MAGI3: variants seen among roughly 807,000 people sequenced by gnomAD.
The protein encoded by MAGI3 is membrane associated guanylate kinase, WW and PDZ domain containing 3.
Under a neutral mutation model 121.8 loss-of-function variants are expected in MAGI3, and 43 were observed. The observed-to-expected ratio is 0.35, with a 90% CI of 0.28 to 0.46. The LOEUF is 0.46. Among genes scored for constraint, MAGI3 ranks in the 20% least tolerant of loss-of-function variants. The pLI, the probability that MAGI3 is intolerant of heterozygous loss-of-function variation, is 1.00. For missense variants in MAGI3, 1,547 were observed against 1,797.3 expected, an observed-to-expected ratio of 0.86 and a Z score of 2.52; for synonymous variants, 553 against 639.3, an observed-to-expected ratio of 0.86 and a Z score of 2.04.
intron 1 of MAGI3, among the ~76,000 whole-genome samples, chr1:113,395,640 G>A (rs1570908406): frequency 2.6e-5 from 4 of 151,102 alleles, no homozygotes; most frequent in Admixed American, 2.0e-4. Context: ...ATACGTGTGT[G>A]TATATATATA....
In MAGI3 at chr1:113,685,355, A is replaced by AAAC. The variant is rs971609973; in HGVS notation, c.*1342_*1344dup. 3.3e-5 allele frequency: 5 copies of AAAC among 152,470 alleles called. No individual in the cohort carries two copies. Among genetic ancestry groups the AAAC allele is most frequent in the Admixed American group, 6.5e-5 (1 of 15,306 alleles). 9.4% of individuals were successfully genotyped at this position (152,470 alleles called of 1,614,324 possible). A position where few individuals can be genotyped will look rare whatever the true frequency, so the allele number is the denominator to read the frequency against. ...TAAATAAAGGCACCTTCTGAGAATA[A>AAAC]AACTATTTTATGGAGTGTGTGAACA... On this transcript the variant is annotated 3_prime_UTR_variant, in exon 21 of 21. Coordinates refer to ENST00000307546, the MANE Select transcript of MAGI3 (RefSeq NM_001142782.2).
At chr1:113,474,710 C>T (rs553853264) in intron 1 of MAGI3, among the ~76,000 whole-genome samples, 25 of 152,230 alleles carry the variant, frequency 1.6e-4, no homozygotes, top group Middle Eastern at 6.8e-3. Context: ...TTAGGATTGT[C>T]TTGGTACTGT....
intron 1 of MAGI3, among the ~76,000 whole-genome samples, chr1:113,537,680 A>G (rs1659073700): frequency 1.3e-5 from 2 of 151,872 alleles, no homozygotes; most frequent in South Asian, 2.1e-4. Context: ...ATTGTTTTGT[A>G]TTTTCTGGAG....
At chr1:113,396,097 G>A (rs925231870) in intron 1 of MAGI3, among the ~76,000 whole-genome samples, 3 of 152,038 alleles carry the variant, frequency 2.0e-5, no homozygotes, top group Non-Finnish European at 4.4e-5. Flanking sequence ...TCATTCAAGT[G>A]TCTGACTTAT....
chr1:113,568,585 T>C (rs545114384), intron 2 of MAGI3, among the ~76,000 whole-genome samples: 3 of 152,182 alleles, frequency 2.0e-5, no homozygotes, highest in African/African-American at 7.2e-5. Flanking sequence ...AGAATAATTA[T>C]AACACTGATA....
intron 2 of MAGI3, among the ~76,000 whole-genome samples, chr1:113,566,581 G>A (rs924244898): frequency 2.6e-5 from 4 of 152,022 alleles, no homozygotes; most frequent in Non-Finnish European, 5.9e-5. Context: ...ATAAATTTAA[G>A]ATTTAAATTA....
chr1:113,476,969 AT>A (rs1433232539), intron 1 of MAGI3, among the ~76,000 whole-genome samples: 2 of 151,524 alleles, frequency 1.3e-5, no homozygotes, highest in African/African-American at 4.8e-5. Flanking sequence ...TCCCTTTACC[AT>A]TATGTAATAG....
intron 2 of MAGI3, among the ~76,000 whole-genome samples, chr1:113,573,569 A>G (rs927990470): frequency 6.6e-6 from 1 of 152,140 alleles, no homozygotes; most frequent in Admixed American, 6.6e-5. Context: ...AGCGTTTGTT[A>G]TGATTTCCGT....
At chr1:113,570,878 C>T (rs1647260189) in intron 2 of MAGI3, among the ~76,000 whole-genome samples, 1 of 152,142 alleles carries the variant, frequency 6.6e-6, no homozygotes. Flanking sequence ...TTTTGCTGTG[C>T]AGAAGCTCTT....
intron 1 of MAGI3, among the ~76,000 whole-genome samples, chr1:113,534,023 A>G (rs1408478523): frequency 6.6e-6 from 1 of 152,160 alleles, no homozygotes; most frequent in East Asian, 1.9e-4. Context: ...TTTGAATCAC[A>G]GCACTTCCCC....
rs942764731 is a variant in MAGI3 at position 113,450,328 on chromosome 1, G to A, written c.316+58979G>A. ...GGGTCGCGGAGGAAACTTTGGAGGT[G>A]GTGGAGGAGCTATGGTGGTGGAGGT... On this transcript the variant is annotated intron_variant, in intron 1 of 20. Transcript: ENST00000307546. 3.4e-6 allele frequency: 5 copies of A among 1,469,462 alleles called. No individual in the cohort carries two copies. In the African/African-American group the frequency reaches 4.2e-5, roughly 12 times the overall value. The allele number at this position is 1,469,462 out of a possible 1,614,324, so 91.0% of individuals were successfully genotyped here.
Position 113,496,575 on chromosome 1 carries a change from TTTC to T in MAGI3, c.317-52937_317-52935del, listed in dbSNP as rs1212644330. Among the ~76,000 whole-genome samples the T allele has an allele frequency of 5.9e-5, 9 of 152,310 alleles. No individual in the cohort carries two copies. In the East Asian group the frequency reaches 1.5e-3, roughly 26 times the overall value. On this transcript the variant is annotated intron_variant, in intron 1 of 20. Transcript: ENST00000307546. ...TGATGGAATAAATTTTGATAATCAG[TTTC>T]TTGTTTGTTTATCTGTTTATTGATC...
Position 113,641,911 on chromosome 1 carries a change from G to T in MAGI3, c.1361G>T (p.Gly454Val). ...TTTTAACATGATTATGTTTTTCCAG[G>T]CGATGTTATTGTAGACATCAATGGC... ...PAAQDGKIAP[G>V]DVIVDINGNC... Residue 454 changes from glycine (G) to valine (V), a missense_variant and splice_region_variant, in exon 10 of 21, where the codon GGC becomes GTC. Coordinates refer to ENST00000307546, the MANE Select transcript of MAGI3 (RefSeq NM_001142782.2). The T allele has an allele frequency of 1.9e-6, 3 of 1,541,970 alleles. No individual in the cohort carries two copies. Among genetic ancestry groups the T allele is most frequent in the South Asian group, 2.5e-5 (2 of 79,222 alleles).
chr1:113,565,359 C>T (rs1430353476), intron 2 of MAGI3, among the ~76,000 whole-genome samples: 1 of 152,132 alleles, frequency 6.6e-6, no homozygotes, highest in Non-Finnish European at 1.5e-5. Flanking sequence ...ATTCTGAAAG[C>T]ATTTCGTCTG....
chr1:113,646,429 A>G, intron 11 of MAGI3, 57 bp from the exon 12 acceptor site: 1 of 1,410,252 alleles, frequency 7.1e-7, no homozygotes, highest in Non-Finnish European at 9.6e-7. Context: ...CAGTTTTATG[A>G]ATTAATCAAC....
At chr1:113,540,700 C>T (rs1449907200) in intron 1 of MAGI3, among the ~76,000 whole-genome samples, 1 of 152,192 alleles carries the variant, frequency 6.6e-6, no homozygotes, top group Non-Finnish European at 1.5e-5. Context: ...TCCTCTGGGG[C>T]ACCACCTCTT....
At chr1:113,435,458 A>G (rs2101435556) in intron 1 of MAGI3, among the ~76,000 whole-genome samples, 1 of 152,266 alleles carries the variant, frequency 6.6e-6, no homozygotes, top group South Asian at 2.1e-4. Flanking sequence ...CACAATTGCT[A>G]ACCTACTTGA....
intron 1 of MAGI3, among the ~76,000 whole-genome samples, chr1:113,433,791 C>T (rs577443726): frequency 2.6e-5 from 4 of 152,116 alleles, no homozygotes; most frequent in South Asian, 2.1e-4. Flanking sequence ...TTGAGAATAA[C>T]AGCCCCATTT....
rs1396254628 is a variant in MAGI3, at chr1:113,391,351, T to C, written c.316+2T>C. ...TCCGTCTCAAGACTGTGAAACCAGGTACGCCGGCCCTGCGTATCTGTCTCG... is the reference window on the plus strand; with the variant it reads ...TCCGTCTCAAGACTGTGAAACCAGGCACGCCGGCCCTGCGTATCTGTCTCG... On this transcript the variant is annotated splice_donor_variant, in intron 1 of 20. Coordinates refer to ENST00000307546, the MANE Select transcript of MAGI3 (RefSeq NM_001142782.2). LOFTEE classifies it high-confidence loss of function. This position sits in a 1 kb window ranked among gnomAD's most constrained non-coding sequence, Gnocchi z 4.4. 2 of 1,588,824 alleles carry C rather than the reference T, an allele frequency of 1.3e-6. No individual in the cohort carries two copies. Among genetic ancestry groups the C allele is most frequent in the South Asian group, 2.3e-5 (2 of 87,004 alleles).
Sources: gnomAD v4.1 joint callset for allele counts (sites outside exome capture counted in the v4.1 genomes callset) on GRCh38, gnomAD v4.1.1 for gene constraint, Gnocchi (gnomAD v3.1) non-coding constraint, MANE v1.5 for transcripts, NCBI Gene and HGNC (gene_info 2026-07-23, HGNC 2026-07-21) for gene names.